Variants in C8orf34 observed in about 807,000 individuals in gnomAD.
C8orf34 encodes chromosome 8 open reading frame 34, also known as uncharacterized protein C8orf34.
In C8orf34, 65 loss-of-function variants were observed where a neutral mutation model predicts 68.3. The ratio of observed to expected loss-of-function variants is 0.95; its 90% CI spans 0.78 to 1.17. The LOEUF is 1.17. C8orf34 is among the 50% of genes most tolerant of loss of function. The pLI is 0.00. For missense variants in C8orf34, 664 were observed against 655.4 expected, an observed-to-expected ratio of 1.01 and a Z score of -0.14; for synonymous variants, 244 against 241.2, an observed-to-expected ratio of 1.01 and a Z score of -0.11.
intron 1 of C8orf34, among the ~76,000 whole-genome samples, chr8:68,404,842 G>C (rs182850092): frequency 2.6e-3 from 392 of 152,190 alleles, no homozygotes; most frequent in African/African-American, 8.9e-3. Context: ...GCTTAGGATT[G>C]TCTTGGCTAT....
chr8:68,346,121 T>G (rs1174030729), intron 1 of C8orf34, among the ~76,000 whole-genome samples: 1 of 152,198 alleles, frequency 6.6e-6, no homozygotes, highest in Non-Finnish European at 1.5e-5. Context: ...TATGTAGAAC[T>G]GCCTCAATAC....
At chr8:68,382,108 T>C (rs944518069) in intron 1 of C8orf34, among the ~76,000 whole-genome samples, 14 of 152,224 alleles carry the variant, frequency 9.2e-5, no homozygotes, top group Non-Finnish European at 1.6e-4. Context: ...AAGTACATGA[T>C]AACATATTTT....
At position 68,482,207 on chromosome 8, in the gene C8orf34, C is replaced by T. The variant is rs114400319; in HGVS notation, c.737-5816C>T. On this transcript the variant is annotated intron_variant, in intron 4 of 13. Transcript: ENST00000518698. ...GCTTCTTTCTCATTTCCTCTTGCCT[C>T]TGCCTTCTAAGAATTGCCTTTTGTC... Among the ~76,000 whole-genome samples the T allele has an allele frequency of 5.4e-3, 827 of 152,280 alleles. 10 individuals are homozygous for T. The highest frequency in any genetic ancestry group is 0.019 in the African/African-American group (784 of 41,552).
At chr8:68,352,689 G>T (rs72664904) in intron 1 of C8orf34, among the ~76,000 whole-genome samples, 3,850 of 151,996 alleles carry the variant, frequency 0.025, 75 homozygotes, top group Middle Eastern at 0.065. Flanking sequence ...GAGCCTTTTG[G>T]GTTCGAAATG....
rs577189291 is a variant in C8orf34 at position 68,498,321 on chromosome 8, A to T, written c.765+10270A>T. Reference sequence around the variant, plus strand: ...AGGGATAGAAGCTTGCCCTCTTAGAATTTTGAATATTTGACTTTGGAACAA... The same window carrying T: ...AGGGATAGAAGCTTGCCCTCTTAGATTTTTGAATATTTGACTTTGGAACAA... On this transcript the variant is annotated intron_variant, in intron 5 of 13. Coordinates refer to ENST00000518698, the MANE Select transcript of C8orf34 (RefSeq NM_052958.4). Among the ~76,000 whole-genome samples, 17 of 152,360 alleles carry T rather than the reference A, an allele frequency of 1.1e-4. No homozygotes were observed. In the South Asian group the frequency reaches 1.2e-3, roughly 11 times the overall value.
chr8:68,338,509 T>C (rs1359088136), intron 1 of C8orf34, among the ~76,000 whole-genome samples: 5 of 152,184 alleles, frequency 3.3e-5, no homozygotes, highest in Non-Finnish European at 7.3e-5. Context: ...CTCCTTTTTG[T>C]CACTATGGAT....
At chr8:68,478,040 C>T (rs1812698009) in intron 4 of C8orf34, among the ~76,000 whole-genome samples, 1 of 152,182 alleles carries the variant, frequency 6.6e-6, no homozygotes, top group Non-Finnish European at 1.5e-5. Flanking sequence ...GAGACATTTT[C>T]CCCATTGTCT....
At chr8:68,491,158 G>C (rs1186208802) in intron 5 of C8orf34, among the ~76,000 whole-genome samples, 2 of 151,254 alleles carry the variant, frequency 1.3e-5, no homozygotes, top group Non-Finnish European at 2.9e-5. Flanking sequence ...ACATTACTTT[G>C]TGAACTCTGA....
intron 7 of C8orf34, among the ~76,000 whole-genome samples, chr8:68,541,325 G>A (rs1815692717): frequency 6.6e-6 from 1 of 151,902 alleles, no homozygotes; most frequent in Non-Finnish European, 1.5e-5. Flanking sequence ...AATTACTTAG[G>A]TGTGGTGGTG....
intron 8 of C8orf34, among the ~76,000 whole-genome samples, chr8:68,678,186 A>G (rs1487745900): frequency 6.6e-6 from 1 of 150,524 alleles, no homozygotes; most frequent in African/African-American, 2.5e-5. Context: ...TAAAAAATAG[A>G]CGATGGAATA....
At chr8:68,427,670 TAC>T (rs144420464) in intron 1 of C8orf34, among the ~76,000 whole-genome samples, 1 of 151,220 alleles carries the variant, frequency 6.6e-6, no homozygotes, top group Non-Finnish European at 1.5e-5. Flanking sequence ...CATGGAACTA[TAC>T]ACACACACAC....
At chr8:68,427,228 C>A (rs1810266544) in intron 1 of C8orf34, among the ~76,000 whole-genome samples, 1 of 151,950 alleles carries the variant, frequency 6.6e-6, no homozygotes, top group Admixed American at 6.6e-5. Context: ...TACAAAAAAA[C>A]CTATACAGAA....
chr8:68,422,578 C>T (rs551577799), intron 1 of C8orf34, among the ~76,000 whole-genome samples: 1 of 152,194 alleles, frequency 6.6e-6, no homozygotes, highest in Non-Finnish European at 1.5e-5. Context: ...GTGTTGAGTT[C>T]CTCCAGCTTT....
At chr8:68,744,312 TA>T (rs1226264604) in intron 10 of C8orf34, among the ~76,000 whole-genome samples, 2 of 152,120 alleles carry the variant, frequency 1.3e-5, no homozygotes, top group Non-Finnish European at 2.9e-5. Context: ...CTGGAAACTC[TA>T]AAAAGCAGAG....
intron 1 of C8orf34, among the ~76,000 whole-genome samples, chr8:68,430,781 G>T (rs1810420956): frequency 6.6e-6 from 1 of 151,988 alleles, no homozygotes; most frequent in South Asian, 2.1e-4. Context: ...ATTCTCTTGG[G>T]GGATGACTTG....
chr8:68,502,226 C>A (rs368980955), intron 5 of C8orf34, among the ~76,000 whole-genome samples: 1 of 152,086 alleles, frequency 6.6e-6, no homozygotes, highest in Non-Finnish European at 1.5e-5. Context: ...CCACCATGCC[C>A]GGCTAATTTT....
chr8:68,566,787 G>A (rs562379105), intron 7 of C8orf34, among the ~76,000 whole-genome samples: 2 of 152,248 alleles, frequency 1.3e-5, no homozygotes, highest in East Asian at 1.9e-4. Flanking sequence ...ACTGGAGTAG[G>A]ACTTTAAATT....
chr8:68,476,366 A>G (rs1365814870), intron 4 of C8orf34, among the ~76,000 whole-genome samples: 1 of 152,236 alleles, frequency 6.6e-6, no homozygotes, highest in Non-Finnish European at 1.5e-5. Context: ...ATTTGGAAGT[A>G]TCCAAAGGTC....
At chr8:68,636,329 A>G (rs1245190294) in intron 7 of C8orf34, among the ~76,000 whole-genome samples, 1 of 152,080 alleles carries the variant, frequency 6.6e-6, no homozygotes, top group East Asian at 1.9e-4. Context: ...TAATCCCAGA[A>G]CTTTGTGAGG....
Sources: gnomAD v4.1 joint callset for allele counts (sites outside exome capture counted in the v4.1 genomes callset) on GRCh38, gnomAD v4.1.1 for gene constraint, MANE v1.5 for transcripts, NCBI Gene and HGNC (gene_info 2026-07-23, HGNC 2026-07-21) for gene names.